FXN: variants seen among roughly 807,000 people sequenced by gnomAD.
FXN encodes frataxin.
In FXN, 14 loss-of-function variants were observed where a neutral mutation model predicts 22.4. That is an observed-to-expected ratio of 0.62 (90% CI 0.41 to 0.98). FXN has a LOEUF of 0.98. Ranked by LOEUF, FXN falls within the 50% of genes least tolerant of loss-of-function variation. The probability of loss-of-function intolerance (pLI) is 0.00; values close to 1 mark genes in which losing one functional copy is unlikely to be tolerated. For synonymous variants in FXN, 120 were observed against 114.1 expected (o/e 1.05, Z -0.33); for missense variants, 267 against 268.4 (o/e 0.99, Z 0.04).
chr9:69,040,397 G>A (rs756338195), intron 1 of FXN, among the ~76,000 whole-genome samples: 8 of 152,160 alleles, frequency 5.3e-5, no homozygotes, highest in Admixed American at 1.3e-4. Context: ...TGCCGGGCGC[G>A]GTGGCTCACG....
In FXN at chr9:69,075,435, G is replaced by A; in HGVS notation, c.*2673G>A. On this transcript the variant is annotated 3_prime_UTR_variant, in exon 5 of 5. Coordinates refer to ENST00000484259, the MANE Select transcript of FXN (RefSeq NM_000144.5). ...AGATCATGCCACTTCACTCCAGCCTGGCCAACAGAGCCATACTCCGTCTCA... is the reference window on the plus strand; with the variant it reads ...AGATCATGCCACTTCACTCCAGCCTAGCCAACAGAGCCATACTCCGTCTCA... 2 of 939,316 alleles carry A rather than the reference G, an allele frequency of 2.1e-6. No individual in the cohort carries two copies. The highest frequency in any genetic ancestry group is 2.5e-6 in the Non-Finnish European group (2 of 789,296). The allele number at this position is 939,316 out of a possible 1,614,324, so 58.2% of individuals were successfully genotyped here.
chr9:69,044,428 C>G (rs1323290331), intron 1 of FXN, among the ~76,000 whole-genome samples: 1 of 152,102 alleles, frequency 6.6e-6, no homozygotes, highest in Non-Finnish European at 1.5e-5. Context: ...TGTCCCCCAG[C>G]CCGTTTCCTC....
At chr9:69,042,294 G>A (rs1831671950) in intron 1 of FXN, among the ~76,000 whole-genome samples, 1 of 150,338 alleles carries the variant, frequency 6.7e-6, no homozygotes, top group Non-Finnish European at 1.5e-5. Context: ...TCCAAGCTTT[G>A]CCTCCCTCAA....
At chr9:69,049,149 T>A (rs1036385811) in intron 2 of FXN, among the ~76,000 whole-genome samples, 2 of 152,180 alleles carry the variant, frequency 1.3e-5, no homozygotes, top group Non-Finnish European at 2.9e-5. Context: ...GACAGCCCGC[T>A]TCTGCCAGGG....
rs150401273 is a variant in FXN, at chr9:69,041,806, T to G, written c.166-4579T>G. 1.4e-4 allele frequency among the ~76,000 whole-genome samples: 22 copies of G among 152,294 alleles called. No homozygotes were observed. In the South Asian group the frequency reaches 1.9e-3, roughly 13 times the overall value. Reference sequence around the variant, plus strand: ...AGAAACTATCTAATATTTCCTCAAATGCATCCCATGAGCAGGCACTGTGTG... The same window carrying G: ...AGAAACTATCTAATATTTCCTCAAAGGCATCCCATGAGCAGGCACTGTGTG... On this transcript the variant is annotated intron_variant, in intron 1 of 4. Transcript: ENST00000484259.
intron 2 of FXN, 97 bp downstream of exon 2, chr9:69,046,579 T>G: frequency 1.2e-6 from 1 of 808,136 alleles, no homozygotes; most frequent in Non-Finnish European, 2.1e-6. Context: ...GCAACAATCT[T>G]AGGCATCTTT....
chr9:69,057,933 T>C (rs1274384557), intron 3 of FXN, among the ~76,000 whole-genome samples: 1 of 152,184 alleles, frequency 6.6e-6, no homozygotes, highest in African/African-American at 2.4e-5. Flanking sequence ...CACTGTCCAT[T>C]CTTTGATCCC....
intron 4 of FXN, among the ~76,000 whole-genome samples, chr9:69,069,021 G>A (rs1016514124): frequency 1.3e-5 from 2 of 152,334 alleles, no homozygotes; most frequent in Admixed American, 6.5e-5. Context: ...TCAGCAAACC[G>A]CAGAGCTGCC....
chr9:69,063,492 T>C (rs1832112979), intron 3 of FXN, among the ~76,000 whole-genome samples: 1 of 152,074 alleles, frequency 6.6e-6, no homozygotes, highest in South Asian at 2.1e-4. Flanking sequence ...ACCGAGTAAA[T>C]AGTGGTTAAT....
At chr9:69,051,962 C>T (rs1831857612) in intron 2 of FXN, among the ~76,000 whole-genome samples, 1 of 152,106 alleles carries the variant, frequency 6.6e-6, no homozygotes, top group African/African-American at 2.4e-5. Context: ...ATTATCCTGC[C>T]TCAGCCTCCC....
At chr9:69,061,364 G>A (rs1832069650) in intron 3 of FXN, among the ~76,000 whole-genome samples, 1 of 152,070 alleles carries the variant, frequency 6.6e-6, no homozygotes, top group African/African-American at 2.4e-5. Flanking sequence ...GCTCATCAGT[G>A]ATGAGACCAG....
chr9:69,045,977 C>G (rs1286106188), intron 1 of FXN, among the ~76,000 whole-genome samples: 3 of 152,164 alleles, frequency 2.0e-5, no homozygotes, highest in African/African-American at 7.2e-5. Flanking sequence ...AATGAAAGTC[C>G]TGAGGCAACC....
chr9:69,055,099 A>G (rs1281580345), intron 3 of FXN, among the ~76,000 whole-genome samples: 1 of 152,222 alleles, frequency 6.6e-6, no homozygotes, highest in Non-Finnish European at 1.5e-5. Context: ...CCTTTCAAGT[A>G]GATTCAGTAA....
intron 1 of FXN, among the ~76,000 whole-genome samples, chr9:69,039,727 A>C (rs973233376): frequency 3.3e-5 from 5 of 152,210 alleles, no homozygotes; most frequent in African/African-American, 1.2e-4. Context: ...TACCGGAGAC[A>C]GCTTCGAGAA....
At chr9:69,053,796 A>G (rs1378529978) in intron 3 of FXN, among the ~76,000 whole-genome samples, 1 of 152,210 alleles carries the variant, frequency 6.6e-6, no homozygotes, top group Non-Finnish European at 1.5e-5. Context: ...TAGATTACAA[A>G]GACTTGAGCC....
chr9:69,067,476 G>A (rs950353190), intron 4 of FXN, among the ~76,000 whole-genome samples: 2 of 152,224 alleles, frequency 1.3e-5, no homozygotes, highest in Admixed American at 6.5e-5. Context: ...GGAGCAGGAG[G>A]TTGTGGACAT....
rs1487820672 is a variant in FXN at position 69,035,847 on chromosome 9, A to AGACCCT, written c.66_71dup (p.Leu24_Thr25dup). On this transcript the variant is annotated inframe_insertion, in exon 1 of 5. Transcript: ENST00000484259. ...GCGTCACCCAGCCCAGCCCAGGCCC[A>AGACCCT]GACCCTCACCCGGGTCCCGCGGCCG... 6.6e-7 allele frequency: 1 copy of AGACCCT among 1,505,664 alleles called. No individual in the cohort carries two copies. Among genetic ancestry groups the AGACCCT allele is most frequent in the South Asian group, 1.2e-5 (1 of 80,906 alleles). The allele number at this position is 1,505,664 out of a possible 1,614,324, so 93.3% of individuals were successfully genotyped here.
chr9:69,078,685 A>G lies in FXN; in HGVS notation c.*5923A>G, dbSNP rs1832414269. 3.0e-6 allele frequency: 3 copies of G among 984,870 alleles called. No homozygotes were observed. Among genetic ancestry groups the G allele is most frequent in the South Asian group, 4.7e-5 (1 of 21,278 alleles). The allele number at this position is 984,870 out of a possible 1,614,324, so 61.0% of individuals were successfully genotyped here. On this transcript the variant is annotated 3_prime_UTR_variant, in exon 5 of 5. Transcript: ENST00000484259. ...CCCAGATCCCTAAGTGTGCTGTGCT[A>G]TTTTCACGTGGCTCTCAGACTTGGC...
intron 1 of FXN, among the ~76,000 whole-genome samples, chr9:69,042,145 G>A (rs535536634): frequency 6.6e-6 from 1 of 152,088 alleles, no homozygotes. Flanking sequence ...GGCTGAGGCA[G>A]GAGAATCACT....
Sources: allele counts gnomAD v4.1 joint callset (sites outside exome capture counted in the v4.1 genomes callset), GRCh38; gene constraint gnomAD v4.1.1; transcripts MANE v1.5; gene names NCBI Gene and HGNC (gene_info 2026-07-23, HGNC 2026-07-21).